Variants in ADGRG1 observed in about 807,000 individuals in gnomAD.
ADGRG1 encodes the protein 7-transmembrane protein with no EGF-like N-terminal domains-1.
ADGRG1 carries 53 observed loss-of-function variants against 73.5 expected under a neutral mutation model. The ratio of observed to expected loss-of-function variants is 0.72; its 90% confidence interval spans 0.58 to 0.91. The LOEUF (loss-of-function observed/expected upper bound fraction) is 0.91, where lower values mean the gene tolerates loss of function less well. ADGRG1 is among the 40% of genes least tolerant of loss of function. ADGRG1 has a pLI of 0.00. For synonymous variants in ADGRG1, 394 were observed against 374.4 expected (o/e 1.05, Z -0.60); for missense variants, 795 against 871.8 (o/e 0.91, Z 1.11).
intron 1 of ADGRG1, chr16:57,634,381 G>T (rs1312614140): frequency 2.0e-6 from 2 of 985,320 alleles, no homozygotes; most frequent in Admixed American, 1.2e-4. Flanking sequence ...TCTGCCCACT[G>T]CTCCTCTGCT....
upstream of ADGRG1, among the ~76,000 whole-genome samples, chr16:57,625,988 C>T (rs1471988687): frequency 6.6e-6 from 1 of 152,252 alleles, no homozygotes; most frequent in Non-Finnish European, 1.5e-5. Context: ...ACGCTTAGTT[C>T]AGATCCTGGC....
intron 1 of ADGRG1, 109 bp downstream of exon 1, chr16:57,628,911 T>TGTGAGC (rs2036629228): frequency 1.2e-6 from 1 of 842,654 alleles, no homozygotes; most frequent in African/African-American, 3.6e-5. Context: ...AGTGTGAGTG[T>TGTGAGC]GTGAGAGTGA....
At chr16:57,622,848 G>A, upstream of ADGRG1, 3 of 985,444 alleles carry the variant, frequency 3.0e-6, no homozygotes, top group Non-Finnish European at 3.6e-6. Context: ...AGGTCAGCAG[G>A]CGGGGGTGGA....
chr16:57,644,673 C>A (rs1248438044), intron 1 of ADGRG1, among the ~76,000 whole-genome samples: 2 of 134,662 alleles, frequency 1.5e-5, no homozygotes, highest in African/African-American at 5.7e-5. Context: ...ACACTCCTCA[C>A]ACACTCATGC....
rs373652517 is a variant in ADGRG1, at chr16:57,657,362, C to T, written c.1168-11C>T. ...CACAGAGGCCAGCTCTCTCCTGTCT[C>T]CTGGGGCCAGGTCTCCTCGGTGGAG... On this transcript the variant is annotated splice_polypyrimidine_tract_variant and intron_variant, in intron 9 of 13. Transcript: ENST00000562631. 53 of 1,613,860 alleles carry T rather than the reference C, an allele frequency of 3.3e-5. No homozygotes were observed. In the African/African-American group the frequency reaches 6.8e-4, roughly 21 times the overall value.
intron 1 of ADGRG1, chr16:57,646,514 G>T (rs573783005): frequency 9.1e-6 from 9 of 985,284 alleles, no homozygotes; most frequent in Non-Finnish European, 1.1e-5. Context: ...GGTCAAGGGC[G>T]GCTGCTCTGG....
upstream of ADGRG1, chr16:57,625,567 C>T (rs761292045): frequency 3.0e-5 from 30 of 984,696 alleles, no homozygotes; most frequent in Non-Finnish European, 3.6e-5. Flanking sequence ...CATCCCTCCG[C>T]ATCATTGCTG....
rs546793609 is a variant in ADGRG1, at chr16:57,628,706, A to C, written c.-132A>C. ...ACGCTCTCCAGCTCACTCGGCAGGCAGCGGGGACCAGGGCTGGCAGGTTAA... is the reference window on the plus strand; with the variant it reads ...ACGCTCTCCAGCTCACTCGGCAGGCCGCGGGGACCAGGGCTGGCAGGTTAA... On this transcript the variant is annotated 5_prime_UTR_variant, in exon 1 of 14. Coordinates refer to ENST00000562631, the MANE Select transcript of ADGRG1 (RefSeq NM_201525.4). 27 of 985,510 alleles carry C rather than the reference A, an allele frequency of 2.7e-5. No homozygotes were observed. In the African/African-American group the frequency reaches 4.4e-4, roughly 16 times the overall value. The allele number at this position is 985,510 out of a possible 1,614,324, so 61.0% of individuals were successfully genotyped here.
intron 1 of ADGRG1, chr16:57,646,642 G>C: frequency 1.0e-6 from 1 of 985,314 alleles, no homozygotes; most frequent in Non-Finnish European, 1.2e-6. Flanking sequence ...CTAAAGCCGG[G>C]GAGTTGGGAA....
At position 57,663,803 on chromosome 16, in the gene ADGRG1, C is replaced by T. The variant is rs969962196; in HGVS notation, c.*221C>T. ...CGGCTCTCACTCAGCTCCCACGGGA[C>T]TCAGAAGTGCGCCGCCATGCTGCCT... On this transcript the variant is annotated 3_prime_UTR_variant, in exon 14 of 14. Coordinates refer to ENST00000562631, the MANE Select transcript of ADGRG1 (RefSeq NM_201525.4). The T allele has an allele frequency of 7.1e-5, 43 of 606,604 alleles. No homozygotes were observed. In the East Asian group the frequency reaches 1.1e-3, roughly 15 times the overall value. 37.6% of individuals were successfully genotyped at this position (606,604 alleles called of 1,614,324 possible).
chr16:57,621,998 C>G (rs2034921226), intron 2 of ADGRG1: 2 of 357,790 alleles, frequency 5.6e-6, no homozygotes. Flanking sequence ...GGTGGCCTAC[C>G]TGTAATCCCA....
At chr16:57,642,369 C>T (rs767574875) in intron 1 of ADGRG1, 34 of 985,226 alleles carry the variant, frequency 3.5e-5, no homozygotes, top group Non-Finnish European at 3.7e-5. Context: ...TAAGTGTCTC[C>T]TCTAGCTCAT....
At chr16:57,662,859 C>A in intron 13 of ADGRG1, 1 of 885,032 alleles carries the variant, frequency 1.1e-6, no homozygotes, top group Non-Finnish European at 1.4e-6. Flanking sequence ...GTTGTATGGC[C>A]AGGCCCAGGG....
chr16:57,661,095 G>A (rs182047424), intron 12 of ADGRG1: 44 of 193,288 alleles, frequency 2.3e-4, no homozygotes, highest in Non-Finnish European at 1.7e-4. Flanking sequence ...CACAGGCCCC[G>A]GCCCTTCTCT....
Position 57,628,923 on chromosome 16 carries a change from TGTGA to T in ADGRG1, c.-36+125_-36+128del, listed in dbSNP as rs151047440. 7,183 of 729,782 alleles carry T rather than the reference TGTGA, an allele frequency of 9.8e-3. 270 individuals carry two copies. The highest frequency in any genetic ancestry group is 0.01 in the Non-Finnish European group (6,615 of 645,024). 45.2% of individuals were successfully genotyped at this position (729,782 alleles called of 1,614,324 possible). On this transcript the variant is annotated intron_variant, in intron 1 of 13. Transcript: ENST00000562631. The stretch of plus-strand genomic sequence containing the variant: ...GTGAGTGTGAGTGTGTGAGAGTGAG[TGTGA>T]GTGTGAGTGTGAGCGTGAGAGTGTG...
At chr16:57,656,650 C>A in intron 9 of ADGRG1, 33 bp downstream of exon 9, 2 of 1,278,952 alleles carry the variant, frequency 1.6e-6, no homozygotes, top group Non-Finnish European at 2.3e-6. Flanking sequence ...CGCAGCCACA[C>A]CCCAGGCCGT....
rs369540471 is a variant in ADGRG1, at chr16:57,645,071, A to G, written c.-35-5182A>G. 9.3e-4 allele frequency: 915 copies of G among 985,270 alleles called. 5 individuals are homozygous for G. In the African/African-American group the frequency reaches 0.014, roughly 15 times the overall value. The allele number at this position is 985,270 out of a possible 1,614,324, so 61.0% of individuals were successfully genotyped here. A position where few individuals can be genotyped will look rare whatever the true frequency, so the allele number is the denominator to read the frequency against. On this transcript the variant is annotated intron_variant, in intron 1 of 13. Coordinates refer to ENST00000562631, the MANE Select transcript of ADGRG1 (RefSeq NM_201525.4). ...CACACACTCATGCACACGCACACAC[A>G]CCCACATGCCTGTGTAACTCGCAGG...
chr16:57,622,719 C>T (rs2035093714), upstream of ADGRG1: 1 of 951,224 alleles, frequency 1.1e-6, no homozygotes, highest in African/African-American at 1.8e-5. Flanking sequence ...CTGCCAAGTG[C>T]TCTTGGGAGG....
chr16:57,640,471 CAT>C (rs1382180095), intron 1 of ADGRG1, among the ~76,000 whole-genome samples: 1 of 152,222 alleles, frequency 6.6e-6, no homozygotes, highest in Non-Finnish European at 1.5e-5. Flanking sequence ...AATGCGTGAA[CAT>C]GTGTAAAAAG....
Sources: gnomAD v4.1 joint callset for allele counts (sites outside exome capture counted in the v4.1 genomes callset) on GRCh38, gnomAD v4.1.1 for gene constraint, MANE v1.5 for transcripts, NCBI Gene and HGNC (gene_info 2026-07-23, HGNC 2026-07-21) for gene names.